The following ADAD1 variants were observed in gnomAD, a reference collection of about 807,000 sequenced individuals.
The protein encoded by ADAD1 is adenosine deaminase domain-containing protein 1.
Under a neutral mutation model 66.8 loss-of-function variants are expected in ADAD1, and 46 were observed. The ratio of observed to expected loss-of-function variants is 0.69; its 90% CI spans 0.54 to 0.88. The LOEUF (loss-of-function observed/expected upper bound fraction) is 0.88, where lower values mean the gene tolerates loss of function less well. Among genes scored for constraint, ADAD1 ranks in the 40% least tolerant of loss-of-function variants. The pLI is 0.00. For synonymous variants in ADAD1, 248 were observed against 229.4 expected (o/e 1.08, Z -0.73); for missense variants, 617 against 681.8 (o/e 0.91, Z 1.06).
chr4:122,395,986 A>G (rs1795691924), intron 6 of ADAD1, among the ~76,000 whole-genome samples: 1 of 152,224 alleles, frequency 6.6e-6, no homozygotes, highest in Non-Finnish European at 1.5e-5. Context: ...TGAATATATC[A>G]TCAGAGAAAC....
At position 122,429,697 on chromosome 4, in the gene ADAD1, C is replaced by T. The variant is rs769440608; in HGVS notation, c.1689C>T (p.Ser563=). The part of the protein sequence containing the change: ...KSYLQQHGYG[S]WIVKSPCIEQ... Reference sequence around the variant, plus strand: ...ACTTACAACAACATGGCTATGGATCCTGGATTGTGAAATCTCCCTGCATAG... The same window carrying T: ...ACTTACAACAACATGGCTATGGATCTTGGATTGTGAAATCTCCCTGCATAG... Residue 563 remains serine, a synonymous_variant, in exon 13 of 13, where the codon TCC becomes TCT. Transcript: ENST00000296513. The T allele has an allele frequency of 6.2e-7, 1 of 1,613,234 alleles. No homozygotes were observed. Among genetic ancestry groups the T allele is most frequent in the Non-Finnish European group, 8.5e-7 (1 of 1,179,522 alleles).
rs146804274 is a variant in ADAD1, at chr4:122,391,911, T to C, written c.530-1678T>C. Among the ~76,000 whole-genome samples the C allele has an allele frequency of 3.8e-3, 581 of 152,262 alleles. 3 individuals carry two copies. Among genetic ancestry groups the C allele is most frequent in the Middle Eastern group, 6.8e-3 (2 of 294 alleles). Reference sequence around the variant, plus strand: ...TTTTAGTAAAGATAGGGTTTCGCCATGTTGCCCAGGCTGGTCTCAAACTCC... The same window carrying C: ...TTTTAGTAAAGATAGGGTTTCGCCACGTTGCCCAGGCTGGTCTCAAACTCC... On this transcript the variant is annotated intron_variant, in intron 5 of 12. Coordinates refer to ENST00000296513, the MANE Select transcript of ADAD1 (RefSeq NM_139243.4).
rs764469971 is a variant in ADAD1, at chr4:122,407,891, C to CG, written c.725-17_725-16insG. On this transcript the variant is annotated splice_polypyrimidine_tract_variant and intron_variant, in intron 7 of 12. Transcript: ENST00000296513. ...AGAGGTTAAATTAACCTGCTACTGT[C>CG]TACCTTTTTCTTTCAGCTGGACAAC... 7.4e-6 allele frequency: 12 copies of CG among 1,610,908 alleles called. No homozygotes were observed. The highest frequency in any genetic ancestry group is 1.0e-5 in the Non-Finnish European group (12 of 1,178,320).
Position 122,381,122 on chromosome 4 carries a change from G to T in ADAD1, c.303G>T (p.Leu101Phe). ...KRGEINPVSA[L>F]HQFAQMQRVQ... is the part of the protein sequence containing the mutation. ...GAGAGATAAATCCTGTGTCAGCCTT[G>T]CACCAGTTTGCACAAATGCAGCGAG... Residue 101 changes from leucine (L) to phenylalanine (F), a missense_variant, in exon 4 of 13, where the codon TTG becomes TTT. Physicochemically the swap from Leu to Phe is conservative, Grantham distance 22 (BLOSUM62 0). Coordinates refer to ENST00000296513, the MANE Select transcript of ADAD1 (RefSeq NM_139243.4). 3.1e-6 allele frequency: 5 copies of T among 1,596,650 alleles called. No individual in the cohort carries two copies. Among genetic ancestry groups the T allele is most frequent in the Non-Finnish European group, 3.4e-6 (4 of 1,176,416 alleles).
chr4:122,402,057 G>GT (rs143976312), intron 7 of ADAD1, among the ~76,000 whole-genome samples: 25 of 147,754 alleles, frequency 1.7e-4, no homozygotes, highest in East Asian at 4.0e-4. Flanking sequence ...TACCTTGGGT[G>GT]TTTTTTTTTT....
At chr4:122,412,353 A>C (rs1318050651) in intron 9 of ADAD1, among the ~76,000 whole-genome samples, 2 of 152,134 alleles carry the variant, frequency 1.3e-5, no homozygotes, top group Non-Finnish European at 2.9e-5. Flanking sequence ...GATAATATGA[A>C]AAATATCTCT....
At chr4:122,422,454 T>C (rs1485673818) in intron 12 of ADAD1, among the ~76,000 whole-genome samples, 1 of 152,198 alleles carries the variant, frequency 6.6e-6, no homozygotes, top group African/African-American at 2.4e-5. Context: ...GTTACCATTA[T>C]TAAATATTAA....
intron 12 of ADAD1, among the ~76,000 whole-genome samples, chr4:122,427,065 A>G (rs770439854): frequency 6.6e-6 from 1 of 152,246 alleles, no homozygotes; most frequent in Non-Finnish European, 1.5e-5. Flanking sequence ...AAATTGTATC[A>G]TCTTGTAGGT....
intron 5 of ADAD1, among the ~76,000 whole-genome samples, chr4:122,389,489 T>A (rs1025230577): frequency 3.9e-5 from 6 of 152,246 alleles, no homozygotes; most frequent in Non-Finnish European, 5.9e-5. Context: ...TGTGGGACTT[T>A]AAGTCTCTTT....
In ADAD1 at chr4:122,415,543, C is replaced by G; in HGVS notation, c.1414C>G (p.Leu472Val). Residue 472 changes from leucine (L) to valine (V), a missense_variant, in exon 11 of 13, where the codon CTG becomes GTG. Leu to Val is a conservative substitution (Grantham distance 32). Coordinates refer to ENST00000296513, the MANE Select transcript of ADAD1 (RefSeq NM_139243.4). Reference sequence around the variant, plus strand: ...TCAAATGAACTTGGAATATAAATTTCTGAGTCTGAATTGGGCACAAGGAGA... The same window carrying G: ...TCAAATGAACTTGGAATATAAATTTGTGAGTCTGAATTGGGCACAAGGAGA... ...PLQMNLEYKF[L>V]SLNWAQGDVS... 1 of 1,613,898 alleles carries G rather than the reference C, an allele frequency of 6.2e-7. No homozygotes were observed. The highest frequency in any genetic ancestry group is 1.1e-5 in the South Asian group (1 of 91,080).
intron 7 of ADAD1, among the ~76,000 whole-genome samples, chr4:122,397,165 G>A (rs1404359622): frequency 3.3e-5 from 5 of 152,140 alleles, no homozygotes; most frequent in African/African-American, 4.8e-5. Context: ...TTTATTGCTA[G>A]CACAGATTAG....
At chr4:122,401,254 G>T (rs1013635116) in intron 7 of ADAD1, among the ~76,000 whole-genome samples, 2 of 151,640 alleles carry the variant, frequency 1.3e-5, no homozygotes, top group African/African-American at 4.9e-5. Context: ...TTTCATTGTT[G>T]ATACAAAGAT....
rs557514669 is a variant in ADAD1, at chr4:122,391,866, T to A, written c.530-1723T>A. On this transcript the variant is annotated intron_variant, in intron 5 of 12. Transcript: ENST00000296513. ...CTGGAATTACAGGTGCGCGCCACCA[T>A]GCCCAGCTGACCTTTGTATTTTTAG... is the stretch of plus-strand genomic sequence containing the variant. 3.9e-5 allele frequency among the ~76,000 whole-genome samples: 6 copies of A among 152,204 alleles called. No homozygotes were observed. The South Asian group carries it at 1.2e-3, about 32-fold the overall frequency.
chr4:122,412,502 A>C, intron 9 of ADAD1, 78 bp from the exon 10 acceptor site: 1 of 1,178,632 alleles, frequency 8.5e-7, no homozygotes, highest in Non-Finnish European at 1.2e-6. Flanking sequence ...CATGTTACAG[A>C]ACAGCTGTTA....
chr4:122,384,897 A>G (rs1795088314), intron 5 of ADAD1, among the ~76,000 whole-genome samples: 2 of 152,182 alleles, frequency 1.3e-5, no homozygotes, highest in South Asian at 4.1e-4. Context: ...TTCTATATTC[A>G]TTATTGTTTT....
chr4:122,398,815 A>T (rs1345058462), intron 7 of ADAD1, among the ~76,000 whole-genome samples: 3 of 149,744 alleles, frequency 2.0e-5, no homozygotes, highest in Non-Finnish European at 4.5e-5. Context: ...CATTTTTTTG[A>T]TGGGATTATT....
intron 12 of ADAD1, among the ~76,000 whole-genome samples, chr4:122,424,435 A>G (rs752669330): frequency 9.2e-5 from 14 of 152,180 alleles, no homozygotes; most frequent in Non-Finnish European, 1.8e-4. Context: ...ATATATGACA[A>G]TATAACAAAG....
intron 3 of ADAD1, chr4:122,380,575 A>G (rs536737495): frequency 6.4e-6 from 2 of 312,830 alleles, no homozygotes; most frequent in African/African-American, 4.4e-5. Flanking sequence ...AGTATAAAGC[A>G]GGGGCAAACA....
intron 12 of ADAD1, among the ~76,000 whole-genome samples, chr4:122,426,105 G>A (rs1797222197): frequency 6.6e-6 from 1 of 151,938 alleles, no homozygotes; most frequent in Admixed American, 6.6e-5. Context: ...CCTTTAGCTA[G>A]ATTAACCAAG....
Sources: gnomAD v4.1 joint callset for allele counts (sites outside exome capture counted in the v4.1 genomes callset) on GRCh38, gnomAD v4.1.1 for gene constraint, MANE v1.5 for transcripts, NCBI Gene and HGNC (gene_info 2026-07-23, HGNC 2026-07-21) for gene names.